The following DNM1 variants were observed in gnomAD, a reference collection of about 807,000 sequenced individuals.
DNM1 encodes dynamin-1.
DNM1 carries 29 observed loss-of-function variants against 104.6 expected under a neutral mutation model. The ratio of observed to expected loss-of-function variants is 0.28; its 90% CI spans 0.21 to 0.38. DNM1 has a LOEUF of 0.38. Among genes scored for constraint, DNM1 ranks in the 10% least tolerant of loss-of-function variants. The pLI is 1.00. For missense variants in DNM1, 640 were observed against 1,189.4 expected, an observed-to-expected ratio of 0.54 and a Z score of 6.79; for synonymous variants, 445 against 475.8, an observed-to-expected ratio of 0.94 and a Z score of 0.84.
intron 6 of DNM1, among the ~76,000 whole-genome samples, chr9:128,221,628 G>C (rs186887165): frequency 1.3e-5 from 2 of 152,158 alleles, no homozygotes; most frequent in African/African-American, 4.8e-5. Context: ...TGGTATGGTG[G>C]TTCATGCCTG....
chr9:128,231,703 T>C (rs1835704956), intron 10 of DNM1, among the ~76,000 whole-genome samples: 1 of 152,166 alleles, frequency 6.6e-6, no homozygotes, highest in South Asian at 2.1e-4. Context: ...ACTTGCCATC[T>C]CTGAGTGAAA....
chr9:128,219,777 C>T (rs1027914451), intron 4 of DNM1, among the ~76,000 whole-genome samples: 1 of 152,060 alleles, frequency 6.6e-6, no homozygotes, highest in Non-Finnish European at 1.5e-5. Flanking sequence ...AGCCTGGCAA[C>T]AAAGCGAGAT....
intron 1 of DNM1, among the ~76,000 whole-genome samples, chr9:128,213,886 C>T (rs939398723): frequency 1.4e-4 from 22 of 152,142 alleles, no homozygotes; most frequent in Non-Finnish European, 2.6e-4. Context: ...GTGTTCAGAC[C>T]TCAGCTTGAA....
In DNM1 at chr9:128,220,741, G is replaced by T. The variant is rs1157238978; in HGVS notation, c.849+400G>T. On this transcript the variant is annotated intron_variant, in intron 6 of 21. Coordinates refer to ENST00000372923, the MANE Select transcript of DNM1 (RefSeq NM_004408.4). This position sits in a 1 kb window ranked among gnomAD's most constrained non-coding sequence, Gnocchi z 5.2. ...CCAGAACTGAAGTGCGCGCGCGCGC[G>T]CGTGTGTGTGTGTGTGTGTGTGTGT... 3.2e-5 allele frequency among the ~76,000 whole-genome samples: 4 copies of T among 126,018 alleles called. No homozygotes were observed. The highest frequency in any genetic ancestry group is 1.2e-4 in the African/African-American group (4 of 33,120). 82.7% of individuals were successfully genotyped at this position (126,018 alleles called of 152,430 possible). A position where few individuals can be genotyped will look rare whatever the true frequency, so the allele number is the denominator to read the frequency against.
At chr9:128,227,875 G>A (rs1365893002) in intron 10 of DNM1, among the ~76,000 whole-genome samples, 1 of 151,410 alleles carries the variant, frequency 6.6e-6, no homozygotes, top group African/African-American at 2.4e-5. Flanking sequence ...TTTTAGAGAC[G>A]GGGTTTTGCT....
At chr9:128,252,161 G>A (rs1408057456) in intron 21 of DNM1, 8 of 198,458 alleles carry the variant, frequency 4.0e-5, no homozygotes, top group Admixed American at 3.4e-4. Context: ...TGTGGGGATC[G>A]AGGGAGACAG....
chr9:128,235,245 A>C (rs192490954), intron 11 of DNM1, among the ~76,000 whole-genome samples: 2,325 of 152,046 alleles, frequency 0.015, 39 homozygotes, highest in South Asian at 0.023. Flanking sequence ...CCTGTAATCC[A>C]AGCACTTTGG....
At chr9:128,250,701 T>A in intron 20 of DNM1, 24 bp from the exon 21 acceptor site, 1 of 1,452,552 alleles carries the variant, frequency 6.9e-7, no homozygotes, top group Non-Finnish European at 9.0e-7. Flanking sequence ...CCTCTCCTTG[T>A]TCCTCGCTCC....
chr9:128,228,003 A>ACACCC (rs2131198487), intron 10 of DNM1, among the ~76,000 whole-genome samples: 1 of 150,910 alleles, frequency 6.6e-6, no homozygotes, highest in East Asian at 2.0e-4. Context: ...ACTAACCACC[A>ACACCC]CACCCCACCC....
intron 6 of DNM1, among the ~76,000 whole-genome samples, chr9:128,221,548 C>T (rs532442384): frequency 2.0e-4 from 30 of 152,268 alleles, no homozygotes; most frequent in Admixed American, 1.2e-3. Context: ...GCTTTAAACC[C>T]AGAGGGTCCA....
chr9:128,230,378 T>C (rs1835606254), intron 10 of DNM1, among the ~76,000 whole-genome samples: 1 of 151,026 alleles, frequency 6.6e-6, no homozygotes, highest in African/African-American at 2.4e-5. Flanking sequence ...AAAGGCGTAT[T>C]CACCATAGGA....
Position 128,203,759 on chromosome 9 carries a change from C to A in DNM1, c.161+128C>A. ...GCACCCGCGGCCGGCGCGCCCCCCA[C>A]CCCCAGCCGGAGCGAGGAGGCCCTC... is the stretch of plus-strand genomic sequence containing the variant. On this transcript the variant is annotated intron_variant, in intron 1 of 21. Transcript: ENST00000372923. This position sits in a 1 kb window ranked among gnomAD's most constrained non-coding sequence, Gnocchi z 5.3. The A allele has an allele frequency of 1.1e-6, 1 of 872,202 alleles. No individual in the cohort carries two copies. The highest frequency in any genetic ancestry group is 1.5e-6 in the Non-Finnish European group (1 of 665,172). 54.0% of individuals were successfully genotyped at this position (872,202 alleles called of 1,614,324 possible).
At chr9:128,234,656 G>C (rs1187569213) in intron 11 of DNM1, among the ~76,000 whole-genome samples, 1 of 152,160 alleles carries the variant, frequency 6.6e-6, no homozygotes, top group African/African-American at 2.4e-5. Flanking sequence ...TTACAGGCGT[G>C]AGCCACCGCG....
In DNM1 at chr9:128,203,945, A is replaced by C; in HGVS notation, c.161+314A>C. ...GGCAAAGAGCTGCCCCCCGCCCCCA[A>C]CATGGGCATGGAGAGAGCCCGCATT... is the stretch of plus-strand genomic sequence containing the variant. On this transcript the variant is annotated intron_variant, in intron 1 of 21. Transcript: ENST00000372923. This position sits in a 1 kb window ranked among gnomAD's most constrained non-coding sequence, Gnocchi z 5.3. 8 of 177,858 alleles carry C rather than the reference A, an allele frequency of 4.5e-5. No individual in the cohort carries two copies. The highest frequency in any genetic ancestry group is 7.0e-5 in the Non-Finnish European group (6 of 85,640). The allele number at this position is 177,858 out of a possible 1,614,324, so 11.0% of individuals were successfully genotyped here.
Position 128,220,423 on chromosome 9 carries a change from A to T in DNM1, c.849+82A>T, listed in dbSNP as rs1318368438. 74 of 1,548,680 alleles carry T rather than the reference A, an allele frequency of 4.8e-5. No individual in the cohort carries two copies. Among genetic ancestry groups the T allele is most frequent in the Non-Finnish European group, 6.4e-5 (73 of 1,140,672 alleles). On this transcript the variant is annotated intron_variant, in intron 6 of 21. Transcript: ENST00000372923. The surrounding 1 kb of genome is among the most constrained non-coding windows in gnomAD (Gnocchi z 5.2). ...TAAGTGTGTTCTGAGAGTGAACAGCAGAGGTTAGCCTCTCCGTAGTGCAGA... is the reference window on the plus strand; with the variant it reads ...TAAGTGTGTTCTGAGAGTGAACAGCTGAGGTTAGCCTCTCCGTAGTGCAGA...
At chr9:128,241,446 C>T (rs1310463733) in intron 14 of DNM1, among the ~76,000 whole-genome samples, 3 of 152,186 alleles carry the variant, frequency 2.0e-5, no homozygotes, top group Non-Finnish European at 4.4e-5. Flanking sequence ...TGGCTCAGCC[C>T]TTGCCCCTGG....
chr9:128,221,847 C>T (rs929982911), intron 6 of DNM1, among the ~76,000 whole-genome samples: 1 of 152,122 alleles, frequency 6.6e-6, no homozygotes, highest in Non-Finnish European at 1.5e-5. Flanking sequence ...TTGCAGTGAG[C>T]TGAGATCACG....
In DNM1 at chr9:128,254,016, C is replaced by T. The variant is rs1446519181; in HGVS notation, c.2535-638C>T. 2.7e-5 allele frequency: 34 copies of T among 1,236,382 alleles called. No homozygotes were observed. In the East Asian group the frequency reaches 1.0e-3, roughly 37 times the overall value. 76.6% of individuals were successfully genotyped at this position (1,236,382 alleles called of 1,614,324 possible). The stretch of plus-strand genomic sequence containing the variant: ...TTCTGCTTTTCCCAGCAGGAAGGGC[C>T]CAGCCTCACCTACGAGACCTGCAGC... On this transcript the variant is annotated intron_variant, in intron 21 of 21. Transcript: ENST00000372923. The surrounding 1 kb of genome is among the most constrained non-coding windows in gnomAD (Gnocchi z 6.1).
At chr9:128,211,452 G>A (rs1329321641) in intron 1 of DNM1, among the ~76,000 whole-genome samples, 1 of 144,246 alleles carries the variant, frequency 6.9e-6, no homozygotes, top group African/African-American at 2.6e-5. Context: ...TGCATATGCT[G>A]TTCTCTCGCC....
Sources: gnomAD v4.1 joint callset for allele counts (sites outside exome capture counted in the v4.1 genomes callset) on GRCh38, gnomAD v4.1.1 for gene constraint, Gnocchi (gnomAD v3.1) non-coding constraint, MANE v1.5 for transcripts, NCBI Gene and HGNC (gene_info 2026-07-23, HGNC 2026-07-21) for gene names.